The following ZNF518A variants were observed in gnomAD, a reference collection of about 807,000 sequenced individuals.
ZNF518A encodes zinc finger protein 518.
ZNF518A carries 47 observed loss-of-function variants against 102.7 expected under a neutral mutation model. That is an observed-to-expected ratio of 0.46 (90% CI 0.36 to 0.58). The LOEUF (loss-of-function observed/expected upper bound fraction) is 0.58, where lower values mean the gene tolerates loss of function less well. Among genes scored for constraint, ZNF518A ranks in the 20% least tolerant of loss-of-function variants. The pLI, the probability that ZNF518A is intolerant of heterozygous loss-of-function variation, is 0.00. For synonymous variants in ZNF518A, 652 were observed against 594.6 expected, an observed-to-expected ratio of 1.10 and a Z score of -1.40; for missense variants, 1,793 against 1,699.8, an observed-to-expected ratio of 1.05 and a Z score of -0.96.
intron 1 of ZNF518A, chr10:96,199,579 A>G (rs1554895569): frequency 2.2e-6 from 1 of 456,504 alleles, no homozygotes; most frequent in Admixed American, 2.4e-5. Flanking sequence ...GAGGAACTTG[A>G]AAGAGAGGAG....
In ZNF518A at chr10:96,158,764, C is replaced by G; in HGVS notation, c.2442C>G (p.Asp814Glu). Residue 814 changes from aspartate to glutamate, a missense_variant, in exon 6 of 6, where the codon GAC (aspartate) becomes GAG (glutamate). Coordinates refer to ENST00000316045, the MANE Select transcript of ZNF518A (RefSeq NM_001330736.2). The part of the protein sequence containing the change: ...TPNKGLPLHC[D>E]QSFQKHEREG... ...ATAAAGGCTTGCCACTTCATTGTGA[C>G]CAGTCATTTCAAAAACACGAGAGAG... 6.2e-7 allele frequency: 1 copy of G among 1,613,356 alleles called. No homozygotes were observed. The highest frequency in any genetic ancestry group is 8.5e-7 in the Non-Finnish European group (1 of 1,179,572).
At chr10:96,191,148 T>G (rs2083322022) in intron 1 of ZNF518A, among the ~76,000 whole-genome samples, 1 of 152,084 alleles carries the variant, frequency 6.6e-6, no homozygotes, top group African/African-American at 2.4e-5. Context: ...CCTGCCACCA[T>G]GTAAAACATG....
chr10:96,192,142 T>C (rs781836046), intron 1 of ZNF518A: 1 of 1,608,826 alleles, frequency 6.2e-7, no homozygotes, highest in Admixed American at 1.7e-5. Flanking sequence ...TGTGTTAAAT[T>C]TGAGCTCCAC....
chr10:96,140,363 C>A (rs1591129921), intron 3 of ZNF518A, among the ~76,000 whole-genome samples: 1 of 152,118 alleles, frequency 6.6e-6, no homozygotes, highest in South Asian at 2.1e-4. Flanking sequence ...AAAAATTAAA[C>A]CATTTATATT....
At chr10:96,169,809 G>T (rs1591271998) in intron 1 of ZNF518A, among the ~76,000 whole-genome samples, 1 of 152,230 alleles carries the variant, frequency 6.6e-6, no homozygotes, top group South Asian at 2.1e-4. Context: ...AACCTCTCAG[G>T]TTTGTTATTC....
At chr10:96,174,522 A>G (rs1035034307) in intron 1 of ZNF518A, among the ~76,000 whole-genome samples, 14 of 152,216 alleles carry the variant, frequency 9.2e-5, no homozygotes, top group African/African-American at 3.1e-4. Flanking sequence ...AGGGAATACT[A>G]TGAACAACTG....
chr10:96,172,630 A>T (rs1459709890), intron 1 of ZNF518A, among the ~76,000 whole-genome samples: 2 of 152,098 alleles, frequency 1.3e-5, no homozygotes, highest in African/African-American at 4.8e-5. Context: ...TCTGAAATAG[A>T]TTCTGATAAA....
Position 96,157,378 on chromosome 10 carries a change from C to T in ZNF518A, c.1056C>T (p.Asn352=). ...ACACTCAAGTGCTTAAGAAAATGAA[C>T]AAAACACAGACTAAATCTGAAGACC... ...EKNTQVLKKM[N]KTQTKSEDQS... Residue 352 remains asparagine, a synonymous_variant, in exon 6 of 6, where the codon AAC becomes AAT. Transcript: ENST00000316045. The T allele has an allele frequency of 2.5e-6, 4 of 1,611,016 alleles. No individual in the cohort carries two copies. Among genetic ancestry groups the T allele is most frequent in the Non-Finnish European group, 3.4e-6 (4 of 1,178,478 alleles).
intron 1 of ZNF518A, among the ~76,000 whole-genome samples, chr10:96,181,787 G>A (rs1554892051): frequency 2.6e-5 from 4 of 152,156 alleles, no homozygotes; most frequent in Non-Finnish European, 5.9e-5. Context: ...CTCCAGCTTT[G>A]TTCTTTTTGA....
rs2082906116 is a variant in ZNF518A at position 96,159,744 on chromosome 10, A to G, written c.3422A>G (p.Gln1141Arg). 6.2e-7 allele frequency: 1 copy of G among 1,613,234 alleles called. No homozygotes were observed. Among genetic ancestry groups the G allele is most frequent in the Non-Finnish European group, 8.5e-7 (1 of 1,179,790 alleles). ...IQPKKPEGTPQRILLKIFNPV... is the reference protein window; with the variant it reads ...IQPKKPEGTPRRILLKIFNPV... ...CCAAAGAAACCTGAAGGAACACCAC[A>G]AAGAATATTGCTGAAAATTTTTAAC... Residue 1141 changes from glutamine (Q) to arginine (R), a missense_variant, in exon 6 of 6, where the codon CAA becomes CGA. By Grantham distance (43) the Gln-to-Arg change is conservative (BLOSUM62 1). This residue lies in a region of ZNF518A where 1,741 missense variants were observed against 1,622.6 expected (regional missense o/e 1.07). Coordinates refer to ENST00000316045, the MANE Select transcript of ZNF518A (RefSeq NM_001330736.2).
In ZNF518A at chr10:96,200,074, C is replaced by T; in HGVS notation, n.36-3500C>T. ...ATAATAAATAATAAAAATGATCAGA[C>T]CTTGTTTGATCTGTGCAATGCCTCT... is the stretch of plus-strand genomic sequence containing the variant. On this transcript the variant is annotated intron_variant and non_coding_transcript_variant, in intron 1 of 2. Coordinates refer to the ZNF518A transcript ENST00000442635. This position sits in a 1 kb window ranked among gnomAD's most constrained non-coding sequence, Gnocchi z 4.3. The T allele has an allele frequency of 6.3e-7, 1 of 1,587,880 alleles. No homozygotes were observed. The highest frequency in any genetic ancestry group is 8.6e-7 in the Non-Finnish European group (1 of 1,164,396).
At chr10:96,132,554 A>G (rs2081393905) in intron 1 of ZNF518A, 32 bp from the exon 2 acceptor site, 1 of 151,230 alleles carries the variant, frequency 6.6e-6, no homozygotes, top group Non-Finnish European at 1.5e-5. Flanking sequence ...TTTTGTCGTC[A>G]AAAGTTTTAA....
chr10:96,145,982 A>G (rs1226641129), intron 3 of ZNF518A, among the ~76,000 whole-genome samples: 1 of 152,218 alleles, frequency 6.6e-6, no homozygotes, highest in Non-Finnish European at 1.5e-5. Context: ...ACCAGTGATC[A>G]CTAGGAACAT....
chr10:96,174,702 C>T (rs2083193073), intron 1 of ZNF518A, among the ~76,000 whole-genome samples: 1 of 151,914 alleles, frequency 6.6e-6, no homozygotes, highest in African/African-American at 2.4e-5. Flanking sequence ...GTTTAGATGG[C>T]TTCAGAATAC....
At chr10:96,203,286 G>T (rs942331362) in intron 1 of ZNF518A, among the ~76,000 whole-genome samples, 1 of 151,876 alleles carries the variant, frequency 6.6e-6, no homozygotes, top group East Asian at 1.9e-4. Context: ...TGTGTTGTCA[G>T]AATTTTTTTT....
chr10:96,204,061 C>T (rs781893863), exon 3 of ZNF518A: 1 of 1,613,422 alleles, frequency 6.2e-7, no homozygotes, highest in Non-Finnish European at 8.5e-7. Flanking sequence ...ACTTACTTGG[C>T]AGAGGTATGG....
At chr10:96,140,873 C>T (rs1554876267) in intron 3 of ZNF518A, among the ~76,000 whole-genome samples, 1 of 151,848 alleles carries the variant, frequency 6.6e-6, no homozygotes, top group African/African-American at 2.4e-5. Flanking sequence ...CCCAGAAGGG[C>T]GAGGCTGTAA....
At chr10:96,147,933 AT>A (rs2082246145) in intron 3 of ZNF518A, among the ~76,000 whole-genome samples, 1 of 151,512 alleles carries the variant, frequency 6.6e-6, no homozygotes, top group Admixed American at 6.6e-5. Context: ...GACCTCCTAG[AT>A]TGCTCTTCTT....
At chr10:96,132,513 C>G (rs113072520) in intron 1 of ZNF518A, 73 bp from the exon 2 acceptor site, 2 of 147,076 alleles carry the variant, frequency 1.4e-5, no homozygotes, top group African/African-American at 5.0e-5. Flanking sequence ...CTTTATACAC[C>G]TAAGTTGAAT....
Sources: allele counts gnomAD v4.1 joint callset (sites outside exome capture counted in the v4.1 genomes callset), GRCh38; gene constraint gnomAD v4.1.1; regional missense constraint gnomAD v4.1.1; non-coding constraint Gnocchi (gnomAD v3.1); transcripts MANE v1.5; gene names NCBI Gene and HGNC (gene_info 2026-07-23, HGNC 2026-07-21).